Variants in SOCS7 observed in about 807,000 individuals in gnomAD.
The protein encoded by SOCS7 is suppressor of cytokine signaling 7.
In SOCS7, 18 loss-of-function variants were observed where a neutral mutation model predicts 58.9. The ratio of observed to expected loss-of-function variants is 0.31; its 90% CI spans 0.21 to 0.45. The LOEUF is 0.45. SOCS7 is among the 20% of genes least tolerant of loss of function. The pLI is 1.00. For missense variants in SOCS7, 667 were observed against 837.3 expected, an observed-to-expected ratio of 0.80 and a Z score of 2.51; for synonymous variants, 388 against 364.3, an observed-to-expected ratio of 1.06 and a Z score of -0.74.
At chr17:38,362,997 C>A (rs2037740317) in intron 2 of SOCS7, among the ~76,000 whole-genome samples, 1 of 152,078 alleles carries the variant, frequency 6.6e-6, no homozygotes, top group South Asian at 2.1e-4. Flanking sequence ...CGCCTGTAGT[C>A]CAGCTACTCG....
chr17:38,391,253 C>T (rs1005026082), intron 7 of SOCS7, among the ~76,000 whole-genome samples: 6 of 152,046 alleles, frequency 3.9e-5, no homozygotes, highest in East Asian at 1.9e-4. Context: ...TCAAATAGTG[C>T]GCAAGGGAAT....
Position 38,352,820 on chromosome 17 carries a change from G to A in SOCS7, c.768G>A (p.Pro256=). The A allele has an allele frequency of 1.3e-6, 2 of 1,560,796 alleles. No homozygotes were observed. The highest frequency in any genetic ancestry group is 2.4e-5 in the East Asian group (1 of 41,576). ...AGCAGCAGCAACCTCCCCCGCCCCC[G>A]CCTCCTCCCGGGCCCCTCCGGCCAC... ...QQQQQQPPPP[P]PPPGPLRPLA... is the part of the protein sequence containing the mutation. The change falls in exon 1 of 10, where the codon CCG becomes CCA. Residue 256 remains proline (P), a synonymous_variant. Coordinates refer to ENST00000612932, the MANE Select transcript of SOCS7 (RefSeq NM_014598.4). The surrounding 1 kb of genome is among the most constrained non-coding windows in gnomAD (Gnocchi z 5.5).
chr17:38,370,724 A>G (rs2037852479), intron 6 of SOCS7, among the ~76,000 whole-genome samples: 1 of 150,264 alleles, frequency 6.7e-6, no homozygotes, highest in South Asian at 2.1e-4. Context: ...ATCTCAGCTC[A>G]GTGTCAACCT....
chr17:38,366,331 C>G lies in SOCS7; in HGVS notation c.1297C>G (p.His433Asp), dbSNP rs751329713. The G allele has an allele frequency of 5.0e-6, 8 of 1,614,074 alleles. No individual in the cohort carries two copies. Among genetic ancestry groups the G allele is most frequent in the Admixed American group, 1.7e-5 (1 of 60,000 alleles). Residue 433 changes from histidine (H) to aspartate (D), a missense_variant, in exon 5 of 10, where the codon CAC becomes GAC. By Grantham distance (81) the His-to-Asp change is moderately conservative. Around this residue, in one of 9 missense-constraint regions of SOCS7, gnomAD observed 99 missense variants for 122.9 expected, o/e 0.81. Coordinates refer to ENST00000612932, the MANE Select transcript of SOCS7 (RefSeq NM_014598.4). ...TCCCATCCGAGCAGCTGAATCCCTG[C>G]ACAGCCAACCCCCACAGCACCTCCA... ...IAPIRAAESL[H>D]SQPPQHLQCP...
chr17:38,360,331 G>A (rs1236785300), intron 1 of SOCS7, among the ~76,000 whole-genome samples: 1 of 150,654 alleles, frequency 6.6e-6, no homozygotes, highest in African/African-American at 2.4e-5. Context: ...TGAGTAGCTG[G>A]GATTACAGGT....
intron 5 of SOCS7, among the ~76,000 whole-genome samples, chr17:38,366,931 T>C (rs2037797696): frequency 6.6e-6 from 1 of 152,200 alleles, no homozygotes; most frequent in Admixed American, 6.5e-5. Context: ...ATGATAAAGG[T>C]TGTTGGAGAA....
In SOCS7 at chr17:38,401,018, T is replaced by C. The variant is rs891525914; in HGVS notation, c.*1536T>C. The C allele has an allele frequency of 3.9e-5, 6 of 152,202 alleles. No individual in the cohort carries two copies. Among genetic ancestry groups the C allele is most frequent in the African/African-American group, 1.2e-4 (5 of 41,436 alleles). The allele number at this position is 152,202 out of a possible 1,614,324, so 9.4% of individuals were successfully genotyped here. On this transcript the variant is annotated 3_prime_UTR_variant, in exon 10 of 10. Coordinates refer to ENST00000612932, the MANE Select transcript of SOCS7 (RefSeq NM_014598.4). ...CCTCGTGTCACAAGACAGATACTAATGTCAGGTTTGTGGCTTCCTGATGGT... is the reference window on the plus strand; with the variant it reads ...CCTCGTGTCACAAGACAGATACTAACGTCAGGTTTGTGGCTTCCTGATGGT...
Position 38,402,574 on chromosome 17 carries a change from AC to A in SOCS7, c.*3093del, listed in dbSNP as rs2038335358. 6.6e-6 allele frequency: 1 copy of A among 152,204 alleles called. No individual in the cohort carries two copies. The highest frequency in any genetic ancestry group is 2.4e-5 in the African/African-American group (1 of 41,436). The allele number at this position is 152,204 out of a possible 1,614,324, so 9.4% of individuals were successfully genotyped here. On this transcript the variant is annotated 3_prime_UTR_variant, in exon 10 of 10. Transcript: ENST00000612932. ...AGTGAAACCCTATCTCTACTAAAAT[AC>A]AAAAATTAGCTGGGCATGGTGGCAT...
chr17:38,372,034 A>G (rs977048488), intron 6 of SOCS7, among the ~76,000 whole-genome samples: 6 of 151,992 alleles, frequency 3.9e-5, no homozygotes, highest in African/African-American at 7.3e-5. Flanking sequence ...ACTATTCCAT[A>G]TGGTCTCTAA....
At chr17:38,363,678 G>A (rs776419255) in intron 2 of SOCS7, among the ~76,000 whole-genome samples, 3 of 152,038 alleles carry the variant, frequency 2.0e-5, no homozygotes, top group South Asian at 2.1e-4. Context: ...ATCTTAATTA[G>A]TATTCAAGAG....
At chr17:38,393,503 GGC>G (rs2038203591) in intron 7 of SOCS7, among the ~76,000 whole-genome samples, 2 of 152,196 alleles carry the variant, frequency 1.3e-5, no homozygotes, top group Admixed American at 6.5e-5. Flanking sequence ...TGGGTGTGGT[GGC>G]GGGCGCCTGT....
rs2038338228 is a variant in SOCS7 at position 38,402,737 on chromosome 17, A to G, written c.*3255A>G. The stretch of plus-strand genomic sequence containing the variant: ...AGAGTGAGACTCCATCTCAAAAAAA[A>G]TAAATAATTTCTTTCTGGTTGTATT... On this transcript the variant is annotated 3_prime_UTR_variant, in exon 10 of 10. Coordinates refer to ENST00000612932, the MANE Select transcript of SOCS7 (RefSeq NM_014598.4). 6.6e-6 allele frequency: 1 copy of G among 152,190 alleles called. No homozygotes were observed. The highest frequency in any genetic ancestry group is 6.5e-5 in the Admixed American group (1 of 15,270). The allele number at this position is 152,190 out of a possible 1,614,324, so 9.4% of individuals were successfully genotyped here.
chr17:38,393,280 A>G (rs760762606), intron 7 of SOCS7, among the ~76,000 whole-genome samples: 5 of 152,172 alleles, frequency 3.3e-5, no homozygotes, highest in Non-Finnish European at 5.9e-5. Flanking sequence ...GATCATGGAA[A>G]GGCCTTGGGA....
chr17:38,389,900 C>T (rs1220797414), intron 7 of SOCS7, among the ~76,000 whole-genome samples: 5,395 of 19,730 alleles, frequency 0.27, 571 homozygotes, highest in Middle Eastern at 0.56. Context: ...TATATATATA[C>T]ACATATAGAG....
At chr17:38,384,891 CTTTTTTTTTTTT>C (rs71138614) in intron 7 of SOCS7, among the ~76,000 whole-genome samples, 3 of 76,640 alleles carry the variant, frequency 3.9e-5, no homozygotes, top group African/African-American at 1.8e-4. Context: ...GCACCCAGCT[CTTTTTTTTTTTT>C]TTTTTTTTTT....
chr17:38,377,605 C>T, intron 6 of SOCS7, 109 bp from the exon 7 acceptor site: 1 of 1,026,350 alleles, frequency 9.7e-7, no homozygotes, highest in Non-Finnish European at 1.4e-6. Flanking sequence ...CCAGCTTGCC[C>T]CCAAACTGCC....
At chr17:38,379,144 C>T (rs1196316995) in intron 7 of SOCS7, among the ~76,000 whole-genome samples, 21 of 137,100 alleles carry the variant, frequency 1.5e-4, no homozygotes, top group Admixed American at 1.1e-3. Context: ...GGTGACACAG[C>T]GAGACCCTGT....
intron 7 of SOCS7, among the ~76,000 whole-genome samples, chr17:38,393,971 A>G (rs534400646): frequency 8.5e-5 from 13 of 152,360 alleles, no homozygotes; most frequent in African/African-American, 2.2e-4. Flanking sequence ...TTATTTTCCA[A>G]TCAGTTGTGT....
At position 38,402,234 on chromosome 17, in the gene SOCS7, G is replaced by A. The variant is rs963723174; in HGVS notation, c.*2752G>A. ...AGAGGAGACAGTCTTCGTCAGGTGT[G>A]GGTGTTTGGTGCCTGCATGGGTGGC... is the stretch of plus-strand genomic sequence containing the variant. On this transcript the variant is annotated 3_prime_UTR_variant, in exon 10 of 10. Coordinates refer to ENST00000612932, the MANE Select transcript of SOCS7 (RefSeq NM_014598.4). 1 of 152,602 alleles carries A rather than the reference G, an allele frequency of 6.6e-6. No homozygotes were observed. The highest frequency in any genetic ancestry group is 1.5e-5 in the Non-Finnish European group (1 of 68,290). 9.5% of individuals were successfully genotyped at this position (152,602 alleles called of 1,614,324 possible). A position where few individuals can be genotyped will look rare whatever the true frequency, so the allele number is the denominator to read the frequency against.
Sources: gnomAD v4.1 joint callset for allele counts (sites outside exome capture counted in the v4.1 genomes callset) on GRCh38, gnomAD v4.1.1 for gene constraint, gnomAD v4.1.1 regional missense constraint, Gnocchi (gnomAD v3.1) non-coding constraint, MANE v1.5 for transcripts, NCBI Gene and HGNC (gene_info 2026-07-23, HGNC 2026-07-21) for gene names.